BIRC6: variants seen among roughly 807,000 people sequenced by gnomAD.
The protein encoded by BIRC6 is baculoviral IAP repeat containing 6.
Under a neutral mutation model 503.3 loss-of-function variants are expected in BIRC6, and 98 were observed. The observed-to-expected ratio is 0.19, with a 90% CI of 0.17 to 0.23. The LOEUF (loss-of-function observed/expected upper bound fraction) is 0.23. Among genes scored for constraint, BIRC6 ranks in the 10% least tolerant of loss-of-function variants. The probability of loss-of-function intolerance (pLI) is 1.00; values close to 1 mark genes in which losing one functional copy is unlikely to be tolerated. For synonymous variants in BIRC6, 2,240 were observed against 2,078.7 expected (o/e 1.08, Z -2.11); for missense variants, 5,360 against 5,806.0 (o/e 0.92, Z 2.50).
intron 3 of BIRC6, among the ~76,000 whole-genome samples, 158 bp downstream of exon 3, chr2:32,380,448 G>A (rs1335379694): frequency 6.6e-6 from 1 of 152,194 alleles, no homozygotes; most frequent in Admixed American, 6.5e-5. Flanking sequence ...GTTGAAACTG[G>A]CTGGGCACGG....
At chr2:32,387,244 A>G (rs796257305) in intron 3 of BIRC6, among the ~76,000 whole-genome samples, 5 of 151,982 alleles carry the variant, frequency 3.3e-5, no homozygotes, top group African/African-American at 9.7e-5. Flanking sequence ...CTCCCTTTCA[A>G]TAAAAAGCTC....
At position 32,443,543 on chromosome 2, in the gene BIRC6, G is replaced by T. The variant is rs1429873735; in HGVS notation, c.4291G>T (p.Ala1431Ser). Reference protein sequence around the residue: ...QPAFGPVLLKALLDNMSFLPA... With the variant: ...QPAFGPVLLKSLLDNMSFLPA... The stretch of plus-strand genomic sequence containing the variant: ...AGCATTTGGACCTGTTCTGTTGAAG[G>T]CTTTACTTGATAATATGTCATTTTT... The change falls in exon 20 of 74, where the codon GCT (alanine) becomes TCT (serine). Residue 1431 changes from alanine to serine, a missense_variant. Around this residue, in one of 16 missense-constraint regions of BIRC6, gnomAD observed 2,299 missense variants for 2,267.2 expected, o/e 1.01. Coordinates refer to ENST00000421745, the MANE Select transcript of BIRC6 (RefSeq NM_016252.4). 2 of 1,609,488 alleles carry T rather than the reference G, an allele frequency of 1.2e-6. No individual in the cohort carries two copies. Among genetic ancestry groups the T allele is most frequent in the Admixed American group, 3.4e-5 (2 of 59,396 alleles).
At chr2:32,615,662 C>G (rs565071472) in intron 73 of BIRC6, among the ~76,000 whole-genome samples, 4 of 151,956 alleles carry the variant, frequency 2.6e-5, no homozygotes, top group African/African-American at 7.2e-5. Context: ...GAGATGGAGT[C>G]TCGCTCTGCT....
intron 10 of BIRC6, among the ~76,000 whole-genome samples, chr2:32,421,888 A>G (rs1381402187): frequency 6.6e-6 from 1 of 152,202 alleles, no homozygotes; most frequent in East Asian, 1.9e-4. Flanking sequence ...CTGATTTTAT[A>G]TTGAGCCTTC....
At chr2:32,528,949 C>G (rs1033415967) in intron 59 of BIRC6, 3 of 148,632 alleles carry the variant, frequency 2.0e-5, no homozygotes, top group African/African-American at 7.5e-5. Flanking sequence ...TTAGAAAATG[C>G]AAAAAAAAGA....
intron 22 of BIRC6, among the ~76,000 whole-genome samples, chr2:32,452,797 A>G (rs2046859116): frequency 6.6e-6 from 1 of 152,078 alleles, no homozygotes; most frequent in African/African-American, 2.4e-5. Flanking sequence ...CTAACATAGA[A>G]TATAGTCTTC....
intron 55 of BIRC6, 33 bp from the exon 56 acceptor site, chr2:32,518,221 G>T (rs72855971): frequency 6.3e-7 from 1 of 1,582,956 alleles, no homozygotes; most frequent in Non-Finnish European, 8.6e-7. Context: ...TATAAATCTT[G>T]CATTTAACTT....
At chr2:32,568,678 G>T (rs2059705010) in intron 65 of BIRC6, among the ~76,000 whole-genome samples, 1 of 151,142 alleles carries the variant, frequency 6.6e-6, no homozygotes, top group South Asian at 2.1e-4. Flanking sequence ...ACACCATCTT[G>T]ACCAAAAATA....
chr2:32,482,597 A>G lies in BIRC6; in HGVS notation c.7696+15A>G, dbSNP rs1011609911. ...AGTCTCTCAGGGTAAGTGTATGTTT[A>G]TATTTTAAGACATATGCTATTCTTA... is the stretch of plus-strand genomic sequence containing the variant. On this transcript the variant is annotated intron_variant, in intron 39 of 73. Coordinates refer to ENST00000421745, the MANE Select transcript of BIRC6 (RefSeq NM_016252.4). The G allele has an allele frequency of 8.7e-6, 14 of 1,612,648 alleles. No individual in the cohort carries two copies. Among genetic ancestry groups the G allele is most frequent in the East Asian group, 2.2e-5 (1 of 44,858 alleles).
chr2:32,551,493 G>C (rs1157481283), intron 65 of BIRC6, among the ~76,000 whole-genome samples: 4 of 152,250 alleles, frequency 2.6e-5, no homozygotes, highest in South Asian at 4.1e-4. Context: ...ATGTTAGCCA[G>C]GCTGGTCTCA....
intron 23 of BIRC6, among the ~76,000 whole-genome samples, chr2:32,454,333 G>T (rs1168831146): frequency 6.6e-6 from 1 of 152,130 alleles, no homozygotes; most frequent in East Asian, 1.9e-4. Flanking sequence ...TCTCGAACTA[G>T]TTTAAAACAA....
chr2:32,420,845 AG>A (rs1165230056), intron 10 of BIRC6, among the ~76,000 whole-genome samples: 1 of 151,054 alleles, frequency 6.6e-6, no homozygotes, highest in African/African-American at 2.4e-5. Flanking sequence ...TAGACTCTTT[AG>A]GGATGTCACC....
chr2:32,451,971 A>G lies in BIRC6; in HGVS notation c.4619-1837A>G, dbSNP rs181606754. The stretch of plus-strand genomic sequence containing the variant: ...GATCAATGCATGATGTTTCACCAGT[A>G]TGCATGGGTAAAGTTCTTTAAAAGT... On this transcript the variant is annotated intron_variant, in intron 22 of 73. Coordinates refer to ENST00000421745, the MANE Select transcript of BIRC6 (RefSeq NM_016252.4). 1.1e-4 allele frequency among the ~76,000 whole-genome samples: 17 copies of G among 152,338 alleles called. No homozygotes were observed. In the East Asian group the frequency reaches 3.3e-3, roughly 29 times the overall value.
intron 43 of BIRC6, 117 bp from the exon 44 acceptor site, chr2:32,491,308 A>C: frequency 9.6e-7 from 1 of 1,040,712 alleles, no homozygotes; most frequent in Non-Finnish European, 1.3e-6. Flanking sequence ...CCCTTTAATA[A>C]ACTGTAATTA....
rs375342023 is a variant in BIRC6, at chr2:32,429,179, C to G, written c.2906C>G (p.Thr969Ser). The change falls in exon 11 of 74, where the codon ACC becomes AGC. Residue 969 changes from threonine to serine, a missense_variant. Around this residue, in one of 16 missense-constraint regions of BIRC6, gnomAD observed 700 missense variants for 739.3 expected, o/e 0.95. Coordinates refer to ENST00000421745, the MANE Select transcript of BIRC6 (RefSeq NM_016252.4). ...GELHFLQIGG[T>S]CDDIDEADIL... ...CTTCATTTTCTCCAAATTGGAGGAACCTGTGATGATATTGATGAAGCTGAT... is the reference window on the plus strand; with the variant it reads ...CTTCATTTTCTCCAAATTGGAGGAAGCTGTGATGATATTGATGAAGCTGAT... 2.6e-5 allele frequency: 41 copies of G among 1,593,236 alleles called. No homozygotes were observed. The highest frequency in any genetic ancestry group is 3.4e-5 in the South Asian group (3 of 87,216).
In BIRC6 at chr2:32,392,196, A is replaced by G. The variant is rs1285862671; in HGVS notation, c.951+46A>G. 8 of 1,273,852 alleles carry G rather than the reference A, an allele frequency of 6.3e-6. No individual in the cohort carries two copies. In the South Asian group the frequency reaches 9.6e-5, roughly 15 times the overall value. The allele number at this position is 1,273,852 out of a possible 1,614,324, so 78.9% of individuals were successfully genotyped here. A position where few individuals can be genotyped will look rare whatever the true frequency, so the allele number is the denominator to read the frequency against. On this transcript the variant is annotated intron_variant, in intron 5 of 73. Coordinates refer to ENST00000421745, the MANE Select transcript of BIRC6 (RefSeq NM_016252.4). ...AATACTTTTCTCAGTAGGCCTTTGT[A>G]GCCCTCAGCAAAATTATCACATTTT...
intron 39 of BIRC6, among the ~76,000 whole-genome samples, chr2:32,483,864 G>C (rs1287687862): frequency 6.6e-6 from 1 of 152,070 alleles, no homozygotes; most frequent in Non-Finnish European, 1.5e-5. Context: ...TCTCATTATT[G>C]GTGATGTTAA....
At chr2:32,494,506 G>A (rs2052184356) in intron 45 of BIRC6, among the ~76,000 whole-genome samples, 1 of 152,038 alleles carries the variant, frequency 6.6e-6, no homozygotes, top group Non-Finnish European at 1.5e-5. Context: ...GATTACAGGT[G>A]TGAGCCACTG....
At chr2:32,561,219 C>T (rs1158440376) in intron 65 of BIRC6, among the ~76,000 whole-genome samples, 1 of 151,184 alleles carries the variant, frequency 6.6e-6, no homozygotes, top group Admixed American at 6.6e-5. Context: ...AATTGACCTC[C>T]AAGTAACATA....
Sources: allele counts gnomAD v4.1 joint callset (sites outside exome capture counted in the v4.1 genomes callset), GRCh38; gene constraint gnomAD v4.1.1; regional missense constraint gnomAD v4.1.1; transcripts MANE v1.5; gene names NCBI Gene and HGNC (gene_info 2026-07-23, HGNC 2026-07-21).